The following DOCK4 variants were observed in gnomAD, a reference collection of about 807,000 sequenced individuals.
The protein encoded by DOCK4 is dedicator of cytokinesis 4.
In DOCK4, 97 loss-of-function variants were observed where a neutral mutation model predicts 268.1. That is an observed-to-expected ratio of 0.36 (90% CI 0.31 to 0.43). The LOEUF (loss-of-function observed/expected upper bound fraction) is 0.43. DOCK4 is among the 20% of genes least tolerant of loss of function. The pLI, the probability that DOCK4 is intolerant of heterozygous loss-of-function variation, is 1.00. For synonymous variants in DOCK4, 954 were observed against 887.2 expected (o/e 1.08, Z -1.34); for missense variants, 2,145 against 2,455.7 (o/e 0.87, Z 2.67).
intron 32 of DOCK4, among the ~76,000 whole-genome samples, chr7:111,787,509 C>G (rs2133788177): frequency 6.6e-6 from 1 of 152,126 alleles, no homozygotes; most frequent in East Asian, 1.9e-4. Context: ...TATCACCCAC[C>G]ACTACCACAG....
At chr7:112,200,748 A>AAAAAAAAAAGAAC in intron 1 of DOCK4, among the ~76,000 whole-genome samples, 1 of 150,502 alleles carries the variant, frequency 6.6e-6, no homozygotes, top group Non-Finnish European at 1.5e-5. Context: ...ACAAAAAAAA[A>AAAAAAAAAAGAAC]CAAGATCATA....
chr7:111,820,737 G>T (rs1801913102), intron 27 of DOCK4: 1 of 152,206 alleles, frequency 6.6e-6, no homozygotes, highest in African/African-American at 2.4e-5. Context: ...TTCTACCACT[G>T]AAATTTTAAT....
intron 23 of DOCK4, among the ~76,000 whole-genome samples, chr7:111,861,404 T>TA (rs1805503961): frequency 6.6e-6 from 1 of 151,808 alleles, no homozygotes. Context: ...CATACAACAG[T>TA]AAAAAATAAT....
chr7:111,846,927 T>C, intron 24 of DOCK4, 72 bp downstream of exon 24: 2 of 1,505,270 alleles, frequency 1.3e-6, no homozygotes, highest in Non-Finnish European at 1.8e-6. Flanking sequence ...GCGGTTTCTT[T>C]GTAGACTATT....
chr7:111,878,765 G>A (rs543244437), intron 16 of DOCK4, among the ~76,000 whole-genome samples: 1 of 152,288 alleles, frequency 6.6e-6, no homozygotes, highest in African/African-American at 2.4e-5. Context: ...TGCAAGGAGG[G>A]AGCATTGAGA....
At chr7:111,808,323 G>T in intron 30 of DOCK4, 1 of 154,320 alleles carries the variant, frequency 6.5e-6, no homozygotes, top group East Asian at 1.9e-4. Context: ...TAACAAAATT[G>T]GATCCAACAG....
chr7:111,895,367 C>A (rs1052943212), intron 16 of DOCK4, among the ~76,000 whole-genome samples: 6 of 152,148 alleles, frequency 3.9e-5, no homozygotes, highest in African/African-American at 1.4e-4. Flanking sequence ...ACTTTAAGAA[C>A]AATACACAGG....
intron 16 of DOCK4, among the ~76,000 whole-genome samples, chr7:111,880,986 C>T (rs1586254425): frequency 6.6e-6 from 1 of 152,194 alleles, no homozygotes; most frequent in African/African-American, 2.4e-5. Flanking sequence ...TGTAAGAAAA[C>T]ATCAGAGAAA....
intron 1 of DOCK4, among the ~76,000 whole-genome samples, chr7:112,026,483 A>G (rs1405658052): frequency 6.6e-6 from 1 of 152,174 alleles, no homozygotes; most frequent in African/African-American, 2.4e-5. Flanking sequence ...CGCTGCCCTA[A>G]AAGAGGGCCA....
intron 8 of DOCK4, among the ~76,000 whole-genome samples, chr7:111,971,053 C>T (rs141656463): frequency 4.6e-5 from 7 of 152,244 alleles, no homozygotes; most frequent in East Asian, 3.9e-4. Context: ...ACTGAGTGAA[C>T]GAGAAAGGGA....
intron 13 of DOCK4, among the ~76,000 whole-genome samples, chr7:111,910,233 A>C (rs1411292960): frequency 1.3e-5 from 2 of 152,234 alleles, no homozygotes; most frequent in Admixed American, 1.3e-4. Flanking sequence ...AGACAGTCAG[A>C]TCTTCCATGC....
chr7:111,954,304 C>G (rs539180323), intron 8 of DOCK4, among the ~76,000 whole-genome samples: 1 of 152,192 alleles, frequency 6.6e-6, no homozygotes, highest in Non-Finnish European at 1.5e-5. Context: ...TCTGTCCAGG[C>G]AAGATACTTT....
At chr7:112,123,338 T>C (rs976694768) in intron 1 of DOCK4, among the ~76,000 whole-genome samples, 1 of 152,136 alleles carries the variant, frequency 6.6e-6, no homozygotes, top group Non-Finnish European at 1.5e-5. Flanking sequence ...TGAGGCTTCT[T>C]CAGTTCAGCA....
chr7:112,146,784 C>T (rs192028024), intron 1 of DOCK4, among the ~76,000 whole-genome samples: 97 of 151,986 alleles, frequency 6.4e-4, no homozygotes, highest in African/African-American at 2.2e-3. Context: ...TAGGAGGCTT[C>T]GATATCTCTT....
At chr7:112,166,697 G>A (rs894554190) in intron 1 of DOCK4, among the ~76,000 whole-genome samples, 1 of 152,168 alleles carries the variant, frequency 6.6e-6, no homozygotes, top group Non-Finnish European at 1.5e-5. Flanking sequence ...TCGTTGGGCT[G>A]TAAGAAATTC....
At chr7:112,002,529 A>T (rs945859316) in intron 2 of DOCK4, among the ~76,000 whole-genome samples, 1 of 152,204 alleles carries the variant, frequency 6.6e-6, no homozygotes, top group African/African-American at 2.4e-5. Context: ...GGTATCAATC[A>T]CAGTGGACAG....
chr7:111,871,474 G>A lies in DOCK4; in HGVS notation c.2027+516C>T, dbSNP rs9918593. ...CTCCTATCAAAGAGTAGATCCCAAT[G>A]ACTAAATTGCCTGAGGCCAGGGACC... On this transcript the variant is annotated intron_variant, in intron 20 of 52. Transcript: ENST00000428084. 4.2e-3 allele frequency among the ~76,000 whole-genome samples: 646 copies of A among 152,306 alleles called. 6 individuals carry two copies. The highest frequency in any genetic ancestry group is 0.02 in the South Asian group (98 of 4,824).
intron 12 of DOCK4, among the ~76,000 whole-genome samples, chr7:111,921,483 A>G (rs537101307): frequency 6.6e-6 from 1 of 152,218 alleles, no homozygotes; most frequent in African/African-American, 2.4e-5. Flanking sequence ...AAATTTTAGA[A>G]TACATCAGCC....
intron 23 of DOCK4, among the ~76,000 whole-genome samples, chr7:111,854,838 CT>C (rs1804872162): frequency 6.6e-6 from 1 of 152,204 alleles, no homozygotes; most frequent in Non-Finnish European, 1.5e-5. Flanking sequence ...TCCCTGGCCT[CT>C]GGGGTTTCCC....
Sources: gnomAD v4.1 joint callset for allele counts (sites outside exome capture counted in the v4.1 genomes callset) on GRCh38, gnomAD v4.1.1 for gene constraint, MANE v1.5 for transcripts, NCBI Gene and HGNC (gene_info 2026-07-23, HGNC 2026-07-21) for gene names.